TRRAP: variants seen among roughly 807,000 people sequenced by gnomAD.
The protein encoded by TRRAP is transformation/transcription domain-associated protein.
Under a neutral mutation model 438.8 loss-of-function variants are expected in TRRAP, and 41 were observed. The observed-to-expected ratio is 0.09, with a 90% confidence interval of 0.07 to 0.12. TRRAP has a LOEUF of 0.12. Among genes scored for constraint, TRRAP ranks in the 10% least tolerant of loss-of-function variants. The pLI, the probability that TRRAP is intolerant of heterozygous loss-of-function variation, is 1.00. For synonymous variants in TRRAP, 1,994 were observed against 1,962.9 expected, an observed-to-expected ratio of 1.02 and a Z score of -0.42; for missense variants, 3,122 against 5,055.1, an observed-to-expected ratio of 0.62 and a Z score of 11.60.
intron 16 of TRRAP, 34 bp downstream of exon 16, chr7:98,910,641 ATG>A (rs782242589): frequency 6.2e-5 from 97 of 1,567,052 alleles, no homozygotes; most frequent in Non-Finnish European, 8.2e-5. Context: ...GCTTTCGCAT[ATG>A]GAAAGTACCT....
intron 51 of TRRAP, among the ~76,000 whole-genome samples, chr7:98,969,454 G>A (rs953631647): frequency 6.6e-6 from 1 of 152,180 alleles, no homozygotes; most frequent in Non-Finnish European, 1.5e-5. Flanking sequence ...ATGCCTGGCT[G>A]TGTCCTTCCC....
intron 70 of TRRAP, among the ~76,000 whole-genome samples, chr7:99,008,820 TG>T (rs1173310095): frequency 1.3e-5 from 2 of 152,232 alleles, no homozygotes; most frequent in African/African-American, 4.8e-5. Flanking sequence ...CCTTGCCCTC[TG>T]CCTGTACTTA....
chr7:98,893,047 G>A (rs1438453441), intron 5 of TRRAP, among the ~76,000 whole-genome samples: 1 of 152,022 alleles, frequency 6.6e-6, no homozygotes, highest in Non-Finnish European at 1.5e-5. Flanking sequence ...CACCTCCTGG[G>A]TTCAAGTGAT....
At chr7:98,970,882 C>T (rs757074558) in intron 52 of TRRAP, among the ~76,000 whole-genome samples, 1 of 152,130 alleles carries the variant, frequency 6.6e-6, no homozygotes, top group South Asian at 2.1e-4. Flanking sequence ...TTTGCTCCTC[C>T]GAGAACCTGT....
intron 53 of TRRAP, among the ~76,000 whole-genome samples, chr7:98,973,301 A>T (rs1792501080): frequency 6.6e-6 from 1 of 152,126 alleles, no homozygotes; most frequent in Admixed American, 6.5e-5. Flanking sequence ...ACCACCAGAA[A>T]AAAGGGCTAT....
At chr7:98,893,218 C>T (rs1485858915) in intron 5 of TRRAP, among the ~76,000 whole-genome samples, 21 of 152,076 alleles carry the variant, frequency 1.4e-4, no homozygotes, top group Admixed American at 9.8e-4. Flanking sequence ...CCAAAGTGCT[C>T]GGATTACAGG....
chr7:98,900,120 C>T (rs765470739), intron 10 of TRRAP, among the ~76,000 whole-genome samples: 6 of 151,934 alleles, frequency 3.9e-5, no homozygotes, highest in Non-Finnish European at 7.4e-5. Flanking sequence ...ACCCTCAGTT[C>T]CCCATCAGCC....
Position 98,910,246 on chromosome 7 carries a change from C to A in TRRAP, c.1541C>A (p.Pro514Gln), listed in dbSNP as rs1797013256. The A allele has an allele frequency of 1.3e-6, 2 of 1,494,938 alleles. No individual in the cohort carries two copies. The highest frequency in any genetic ancestry group is 8.9e-7 in the Non-Finnish European group (1 of 1,126,622). The allele number at this position is 1,494,938 out of a possible 1,614,324, so 92.6% of individuals were successfully genotyped here. ...PAPPPPPPPPPPATPVTPAPV... is the reference protein window; with the variant it reads ...PAPPPPPPPPQPATPVTPAPV... ...CCACCTCCACCCCCGCCCCCACCCC[C>A]ACCTGCCACCCCTGTGACCCCGGCC... The change falls in exon 15 of 73, where the codon CCA becomes CAA. Residue 514 changes from proline to glutamine, a missense_variant. Physicochemically the swap from Pro to Gln is moderately conservative, Grantham distance 76 (BLOSUM62 -1). Transcript: ENST00000456197.
At chr7:99,007,729 G>A (rs1794244462) in intron 69 of TRRAP, among the ~76,000 whole-genome samples, 2 of 150,434 alleles carry the variant, frequency 1.3e-5, no homozygotes, top group Admixed American at 1.3e-4. Flanking sequence ...GCTCACTGCA[G>A]CCTCCAACTC....
intron 45 of TRRAP, among the ~76,000 whole-genome samples, chr7:98,959,875 A>C (rs1170901350): frequency 6.7e-6 from 1 of 148,600 alleles, no homozygotes; most frequent in African/African-American, 2.5e-5. Flanking sequence ...GGCTGCAGTG[A>C]GCTATGATTG....
intron 4 of TRRAP, 62 bp from the exon 5 acceptor site, chr7:98,892,362 T>A: frequency 7.4e-7 from 1 of 1,354,148 alleles, no homozygotes; most frequent in Non-Finnish European, 1.1e-6. Flanking sequence ...GAGTGTGAGA[T>A]AATTAATTTG....
At chr7:98,944,554 C>G (rs570635704) in intron 31 of TRRAP, among the ~76,000 whole-genome samples, 1 of 152,088 alleles carries the variant, frequency 6.6e-6, no homozygotes, top group East Asian at 1.9e-4. Context: ...AACTCAGAGG[C>G]TATGGTGTTT....
At chr7:98,943,478 A>G (rs1790895046) in intron 31 of TRRAP, among the ~76,000 whole-genome samples, 1 of 152,120 alleles carries the variant, frequency 6.6e-6, no homozygotes, top group African/African-American at 2.4e-5. Flanking sequence ...GAAAGCTTTG[A>G]GGGGAATGTA....
intron 67 of TRRAP, chr7:98,998,650 A>T (rs1584408068): frequency 6.3e-6 from 1 of 158,278 alleles, no homozygotes; most frequent in African/African-American, 2.4e-5. Context: ...TAGAGAGAGA[A>T]CCCATGCCGA....
intron 51 of TRRAP, 118 bp from the exon 52 acceptor site, chr7:98,969,994 C>A: frequency 8.0e-7 from 1 of 1,243,548 alleles, no homozygotes; most frequent in South Asian, 1.4e-5. Flanking sequence ...GTGCTGAGCT[C>A]ATACTTGGAC....
At chr7:98,934,263 C>G (rs1349729395) in intron 27 of TRRAP, among the ~76,000 whole-genome samples, 1 of 152,124 alleles carries the variant, frequency 6.6e-6, no homozygotes, top group Non-Finnish European at 1.5e-5. Flanking sequence ...TATACCGCGG[C>G]AAAAATCAGA....
chr7:98,999,402 A>G (rs1793818363), intron 67 of TRRAP: 3 of 1,220,946 alleles, frequency 2.5e-6, no homozygotes, highest in East Asian at 2.4e-5. Context: ...CTCTTGATCT[A>G]CATGAGATCC....
chr7:99,003,035 C>T (rs148100620), intron 67 of TRRAP, among the ~76,000 whole-genome samples: 56 of 152,320 alleles, frequency 3.7e-4, no homozygotes, highest in Non-Finnish European at 6.8e-4. Context: ...TCTCCCGCCA[C>T]GACTCAGCCA....
intron 53 of TRRAP, among the ~76,000 whole-genome samples, chr7:98,975,386 T>TG (rs754879507): frequency 1.3e-5 from 2 of 152,202 alleles, no homozygotes; most frequent in African/African-American, 2.4e-5. Context: ...CCAGCCCTGT[T>TG]GCGCCACTGC....
Sources: allele counts gnomAD v4.1 joint callset (sites outside exome capture counted in the v4.1 genomes callset), GRCh38; gene constraint gnomAD v4.1.1; transcripts MANE v1.5; gene names NCBI Gene and HGNC (gene_info 2026-07-23, HGNC 2026-07-21).